PHC2: variants seen among roughly 807,000 people sequenced by gnomAD.
PHC2 encodes polyhomeotic homolog 2, also known as polyhomeotic-like protein 2.
PHC2 carries 29 observed loss-of-function variants against 87.4 expected under a neutral mutation model. That is an observed-to-expected ratio of 0.33 (90% CI 0.25 to 0.45). The LOEUF is 0.45. PHC2 is among the 20% of genes least tolerant of loss of function. The probability of loss-of-function intolerance (pLI) is 1.00; values close to 1 mark genes in which losing one functional copy is unlikely to be tolerated. For synonymous variants in PHC2, 438 were observed against 461.7 expected, an observed-to-expected ratio of 0.95 and a Z score of 0.66; for missense variants, 857 against 1,136.7, an observed-to-expected ratio of 0.75 and a Z score of 3.54.
chr1:33,331,289 G>A lies in PHC2; in HGVS notation c.2006+59C>T, dbSNP rs183311056. 2.9e-5 allele frequency: 26 copies of A among 910,796 alleles called. No homozygotes were observed. The African/African-American group carries it at 3.6e-4, about 13-fold the overall frequency. The allele number at this position is 910,796 out of a possible 1,614,324, so 56.4% of individuals were successfully genotyped here. ...GACCTCCTGGGGTAGACTATTAATG[G>A]CAGGAGGTGGGACATAAAGTGCAGT... On this transcript the variant is annotated intron_variant, in intron 12 of 14. Coordinates refer to ENST00000683057, the MANE Select transcript of PHC2 (RefSeq NM_001385109.1). This position sits in a 1 kb window ranked among gnomAD's most constrained non-coding sequence, Gnocchi z 5.2.
rs765228895 is a variant in PHC2 at position 33,372,463 on chromosome 1, G to T, written c.175-16C>A. Reference sequence around the variant, plus strand: ...GCTGGATCACCTGAGAAGGGAGGGAGGGGGAAGAGCCAGGCTGGTAGCTGC... The same window carrying T: ...GCTGGATCACCTGAGAAGGGAGGGATGGGGAAGAGCCAGGCTGGTAGCTGC... On this transcript the variant is annotated splice_polypyrimidine_tract_variant and intron_variant, in intron 2 of 14. Coordinates refer to ENST00000683057, the MANE Select transcript of PHC2 (RefSeq NM_001385109.1). The T allele has an allele frequency of 2.0e-6, 3 of 1,528,966 alleles. No individual in the cohort carries two copies. In the Admixed American group the frequency reaches 6.0e-5, roughly 31 times the overall value. 94.7% of individuals were successfully genotyped at this position (1,528,966 alleles called of 1,614,324 possible). A position where few individuals can be genotyped will look rare whatever the true frequency, so the allele number is the denominator to read the frequency against.
chr1:33,349,667 G>A lies in PHC2; in HGVS notation c.1558+4734C>T. On this transcript the variant is annotated intron_variant, in intron 9 of 14. Transcript: ENST00000683057. This position sits in a 1 kb window ranked among gnomAD's most constrained non-coding sequence, Gnocchi z 4.2. ...CCCTCGGCCGGGCGCCGACTCGCGCGGGGTCCCGGGCCCGGGCGGGCCGCC... is the reference window on the plus strand; with the variant it reads ...CCCTCGGCCGGGCGCCGACTCGCGCAGGGTCCCGGGCCCGGGCGGGCCGCC... 3 of 982,850 alleles carry A rather than the reference G, an allele frequency of 3.1e-6. No homozygotes were observed. The African/African-American group carries it at 5.3e-5, about 17-fold the overall frequency. 60.9% of individuals were successfully genotyped at this position (982,850 alleles called of 1,614,324 possible).
Position 33,332,427 on chromosome 1 carries a change from G to A in PHC2, c.1762-23C>T, listed in dbSNP as rs1341753046. The A allele has an allele frequency of 6.2e-7, 1 of 1,613,982 alleles. No homozygotes were observed. The highest frequency in any genetic ancestry group is 8.5e-7 in the Non-Finnish European group (1 of 1,179,934). ...CACCTAGAGGACAGGTAACACGGAGGCCGTGAGGGTCAGGTGGGAGCGGCT... is the reference window on the plus strand; with the variant it reads ...CACCTAGAGGACAGGTAACACGGAGACCGTGAGGGTCAGGTGGGAGCGGCT... On this transcript the variant is annotated intron_variant, in intron 10 of 14. Coordinates refer to ENST00000683057, the MANE Select transcript of PHC2 (RefSeq NM_001385109.1). This position sits in a 1 kb window ranked among gnomAD's most constrained non-coding sequence, Gnocchi z 4.2.
At position 33,372,298 on chromosome 1, in the gene PHC2, G is replaced by A. The variant is rs763927972; in HGVS notation, c.324C>T (p.Ala108=). Residue 108 remains alanine (A), a synonymous_variant, in exon 3 of 15, where the codon GCC becomes GCT. Coordinates refer to ENST00000683057, the MANE Select transcript of PHC2 (RefSeq NM_001385109.1). ...CCTTCCCAAGTCTCACCTGCTGTAC[G>A]GCTGCCAGGCTCTGGAGCTGGGCGC... ...LSSAQLQSLA[A]VQQASLVSNR... The A allele has an allele frequency of 8.9e-6, 14 of 1,565,808 alleles. No homozygotes were observed. Among genetic ancestry groups the A allele is most frequent in the Middle Eastern group, 3.6e-4 (2 of 5,480 alleles).
At chr1:33,398,127 A>G (rs189700757) in intron 1 of PHC2, among the ~76,000 whole-genome samples, 1 of 152,314 alleles carries the variant, frequency 6.6e-6, no homozygotes, top group Admixed American at 6.5e-5. Context: ...TTCCTCCTGA[A>G]ACCTGAAACT....
At chr1:33,371,970 T>A (rs1296240869) in intron 3 of PHC2, among the ~76,000 whole-genome samples, 2 of 152,240 alleles carry the variant, frequency 1.3e-5, no homozygotes, top group African/African-American at 4.8e-5. Flanking sequence ...AAACAGGCAG[T>A]GCCCTTCGTT....
At chr1:33,345,636 T>C (rs961284886) in intron 9 of PHC2, 28 of 983,506 alleles carry the variant, frequency 2.8e-5, no homozygotes, top group African/African-American at 7.0e-5. Flanking sequence ...CTAGTAATTC[T>C]AAATTGTATA....
intron 1 of PHC2, among the ~76,000 whole-genome samples, chr1:33,399,018 C>A (rs746467314): frequency 6.6e-6 from 1 of 152,126 alleles, no homozygotes; most frequent in Non-Finnish European, 1.5e-5. Flanking sequence ...ATTGGAAGAA[C>A]AATGAAACTA....
At chr1:33,384,172 G>A (rs1178593728) in intron 1 of PHC2, among the ~76,000 whole-genome samples, 1 of 152,146 alleles carries the variant, frequency 6.6e-6, no homozygotes, top group Non-Finnish European at 1.5e-5. Flanking sequence ...CAAAAATGTG[G>A]TCCCTTGGCA....
Position 33,332,640 on chromosome 1 carries a change from G to A in PHC2, c.1762-236C>T, listed in dbSNP as rs944275828. ...GGATGGCTTCTGTCCAGGACCAACG[G>A]ATGGCTCAGGAGATTAGGAAAATGT... On this transcript the variant is annotated intron_variant, in intron 10 of 14. Coordinates refer to ENST00000683057, the MANE Select transcript of PHC2 (RefSeq NM_001385109.1). This position sits in a 1 kb window ranked among gnomAD's most constrained non-coding sequence, Gnocchi z 4.2. 1.1e-5 allele frequency: 6 copies of A among 525,924 alleles called. No individual in the cohort carries two copies. The highest frequency in any genetic ancestry group is 9.6e-5 in the African/African-American group (5 of 52,250). The allele number at this position is 525,924 out of a possible 1,614,324, so 32.6% of individuals were successfully genotyped here.
At chr1:33,345,745 T>C in intron 9 of PHC2, 1 of 984,806 alleles carries the variant, frequency 1.0e-6, no homozygotes, top group Non-Finnish European at 1.2e-6. Flanking sequence ...AATAATTATG[T>C]CTTGGATATG....
intron 7 of PHC2, chr1:33,359,040 C>T (rs931096992): frequency 4.6e-5 from 7 of 152,184 alleles, no homozygotes; most frequent in African/African-American, 1.7e-4. Flanking sequence ...TACCTGACCT[C>T]TCTGTACCTC....
At chr1:33,386,760 C>T (rs1425595531) in intron 1 of PHC2, among the ~76,000 whole-genome samples, 2 of 152,150 alleles carry the variant, frequency 1.3e-5, no homozygotes, top group Admixed American at 6.5e-5. Flanking sequence ...ATAACACATA[C>T]ACAAAGCACA....
At chr1:33,402,888 C>G (rs930043017) in intron 1 of PHC2, among the ~76,000 whole-genome samples, 1 of 151,748 alleles carries the variant, frequency 6.6e-6, no homozygotes, top group Non-Finnish European at 1.5e-5. Flanking sequence ...TGCAGTGGCG[C>G]GATCTCGCCT....
At chr1:33,355,676 C>G (rs917669659) in intron 7 of PHC2, among the ~76,000 whole-genome samples, 4 of 152,354 alleles carry the variant, frequency 2.6e-5, no homozygotes, top group Admixed American at 6.5e-5. Context: ...CAACCCAGCT[C>G]TGTGTGGCTA....
At position 33,324,877 on chromosome 1, in the gene PHC2, G is replaced by C; in HGVS notation, c.2568C>G (p.Leu856=). The C allele has an allele frequency of 6.2e-7, 1 of 1,613,172 alleles. No individual in the cohort carries two copies. Among genetic ancestry groups the C allele is most frequent in the Non-Finnish European group, 8.5e-7 (1 of 1,179,360 alleles). Residue 856 remains leucine (L), a synonymous_variant, in exon 15 of 15, where the codon CTC becomes CTG. Transcript: ENST00000683057. ...GCTGCCACCAGCCCTAGGAGTCCTT[G>C]AGCATGCTGATGCGGGCGTAGATCT... ...ALKIYARISM[L]KDS
intron 1 of PHC2, among the ~76,000 whole-genome samples, chr1:33,394,349 T>C (rs1279903747): frequency 3.4e-5 from 5 of 145,878 alleles, no homozygotes; most frequent in African/African-American, 1.2e-4. Flanking sequence ...AAGCCAGTTT[T>C]CAAAGTAAAA....
chr1:33,385,958 G>A (rs956598808), intron 1 of PHC2, among the ~76,000 whole-genome samples: 6 of 151,626 alleles, frequency 4.0e-5, no homozygotes, highest in African/African-American at 1.2e-4. Flanking sequence ...CACCACACCC[G>A]GCTAATTTTT....
chr1:33,329,181 C>T, intron 13 of PHC2, 35 bp from the exon 14 acceptor site: 1 of 1,596,210 alleles, frequency 6.3e-7, no homozygotes, highest in Non-Finnish European at 8.6e-7. Flanking sequence ...GATGGGGGAA[C>T]AAACCATCTC....
Sources: allele counts gnomAD v4.1 joint callset (sites outside exome capture counted in the v4.1 genomes callset), GRCh38; gene constraint gnomAD v4.1.1; non-coding constraint Gnocchi (gnomAD v3.1); transcripts MANE v1.5; gene names NCBI Gene and HGNC (gene_info 2026-07-23, HGNC 2026-07-21).